Variants in KCNH7 observed in about 807,000 individuals in gnomAD.
KCNH7 encodes voltage-gated inwardly rectifying potassium channel KCNH7.
In KCNH7, 49 loss-of-function variants were observed where a neutral mutation model predicts 120.8. That is an observed-to-expected ratio of 0.41 (90% confidence interval 0.32 to 0.51). The LOEUF (loss-of-function observed/expected upper bound fraction) is 0.51. Ranked by LOEUF, KCNH7 falls within the 20% of genes least tolerant of loss-of-function variation. KCNH7 has a pLI of 0.38. For synonymous variants in KCNH7, 547 were observed against 516.1 expected, an observed-to-expected ratio of 1.06 and a Z score of -0.81; for missense variants, 1,097 against 1,446.6, an observed-to-expected ratio of 0.76 and a Z score of 3.92.
At chr2:162,690,756 A>G (rs566802091) in intron 2 of KCNH7, among the ~76,000 whole-genome samples, 6 of 152,168 alleles carry the variant, frequency 3.9e-5, no homozygotes, top group Admixed American at 2.6e-4. Flanking sequence ...GGTCAACATT[A>G]TGTTCTCAGA....
At chr2:162,652,503 G>C (rs1327743586) in intron 2 of KCNH7, among the ~76,000 whole-genome samples, 1 of 152,080 alleles carries the variant, frequency 6.6e-6, no homozygotes, top group African/African-American at 2.4e-5. Flanking sequence ...AGATCATTGG[G>C]CATTAGTTAG....
intron 2 of KCNH7, among the ~76,000 whole-genome samples, chr2:162,649,033 A>C (rs1684477979): frequency 6.6e-6 from 1 of 152,216 alleles, no homozygotes; most frequent in South Asian, 2.1e-4. Context: ...TGAACAATTA[A>C]ACATACATCA....
chr2:162,484,310 C>T (rs759205762), intron 6 of KCNH7, among the ~76,000 whole-genome samples: 41 of 151,758 alleles, frequency 2.7e-4, no homozygotes, highest in Non-Finnish European at 5.3e-4. Context: ...TAAAATGAAG[C>T]GAGTTCGTTG....
intron 2 of KCNH7, among the ~76,000 whole-genome samples, chr2:162,802,453 A>G (rs1426136585): frequency 6.6e-6 from 1 of 151,708 alleles, no homozygotes; most frequent in African/African-American, 2.4e-5. Flanking sequence ...GTCATATTCT[A>G]AGTCTGACTT....
At chr2:162,446,659 TA>T in intron 6 of KCNH7, among the ~76,000 whole-genome samples, 1 of 152,104 alleles carries the variant, frequency 6.6e-6, no homozygotes, top group Non-Finnish European at 1.5e-5. Context: ...CATTTCTTGA[TA>T]AATATGAATT....
At chr2:162,755,454 A>G (rs1210305020) in intron 2 of KCNH7, among the ~76,000 whole-genome samples, 1 of 152,200 alleles carries the variant, frequency 6.6e-6, no homozygotes, top group Admixed American at 6.5e-5. Flanking sequence ...ACTGGGCAAC[A>G]GAGCAAGACT....
chr2:162,724,670 T>TAAA (rs1164081461), intron 2 of KCNH7, among the ~76,000 whole-genome samples: 1 of 92,732 alleles, frequency 1.1e-5, no homozygotes. Context: ...AGACTCCGTC[T>TAAA]CAAAAAAAAA....
chr2:162,686,444 T>A (rs1395506488), intron 2 of KCNH7, among the ~76,000 whole-genome samples: 1 of 152,150 alleles, frequency 6.6e-6, no homozygotes, highest in Non-Finnish European at 1.5e-5. Context: ...CATATTCTAT[T>A]TATTATCAGA....
At position 162,687,194 on chromosome 2, in the gene KCNH7, A is replaced by C. The variant is rs897571824; in HGVS notation, c.307+149343T>G. ...TGCCATCTTCACGCCTCACTCCCTC[A>C]CATTCACAACCTTGACGATTTGCGT... On this transcript the variant is annotated intron_variant, in intron 2 of 15. Coordinates refer to ENST00000332142, the MANE Select transcript of KCNH7 (RefSeq NM_033272.4). Among the ~76,000 whole-genome samples the C allele has an allele frequency of 2.0e-5, 3 of 151,938 alleles. No individual in the cohort carries two copies. The East Asian group carries it at 5.8e-4, about 29-fold the overall frequency.
At chr2:162,822,032 T>C (rs1234983239) in intron 2 of KCNH7, among the ~76,000 whole-genome samples, 1 of 151,224 alleles carries the variant, frequency 6.6e-6, no homozygotes, top group Non-Finnish European at 1.5e-5. Flanking sequence ...AAATTGAGTT[T>C]CAGTGTTCAA....
intron 2 of KCNH7, among the ~76,000 whole-genome samples, chr2:162,645,337 G>A (rs926033348): frequency 5.3e-5 from 8 of 152,004 alleles, no homozygotes; most frequent in African/African-American, 1.7e-4. Context: ...TAGTAGAGAC[G>A]GAATTTCACT....
At chr2:162,422,274 C>T (rs1001679999) in intron 9 of KCNH7, among the ~76,000 whole-genome samples, 24 of 152,084 alleles carry the variant, frequency 1.6e-4, no homozygotes, top group African/African-American at 5.8e-4. Context: ...CTGCACCATT[C>T]CTGCTAATTT....
intron 2 of KCNH7, among the ~76,000 whole-genome samples, chr2:162,729,528 G>C (rs1687647628): frequency 6.6e-6 from 1 of 151,978 alleles, no homozygotes. Context: ...AACAGATTTG[G>C]TAACCTCATT....
intron 6 of KCNH7, among the ~76,000 whole-genome samples, chr2:162,480,580 C>T (rs1201733514): frequency 6.6e-6 from 1 of 152,168 alleles, no homozygotes; most frequent in Non-Finnish European, 1.5e-5. Context: ...ACAAAACTCT[C>T]AGTTTTTCAT....
chr2:162,617,251 G>C (rs1041962224), intron 2 of KCNH7, among the ~76,000 whole-genome samples: 2 of 151,972 alleles, frequency 1.3e-5, no homozygotes, highest in Non-Finnish European at 2.9e-5. Context: ...AGGCCGAGGT[G>C]GGCAGATCAC....
chr2:162,486,876 T>C (rs1438260047), intron 6 of KCNH7, among the ~76,000 whole-genome samples: 1 of 152,232 alleles, frequency 6.6e-6, no homozygotes, highest in Admixed American at 6.5e-5. Flanking sequence ...ACTTATTTAA[T>C]TCAGGAATTT....
At chr2:162,565,219 G>T (rs1359870279) in intron 2 of KCNH7, among the ~76,000 whole-genome samples, 1 of 151,516 alleles carries the variant, frequency 6.6e-6, no homozygotes, top group Non-Finnish European at 1.5e-5. Flanking sequence ...CCCCATATAG[G>T]TATTTTTTAC....
chr2:162,455,445 G>A (rs577084284), intron 6 of KCNH7, among the ~76,000 whole-genome samples: 149 of 152,292 alleles, frequency 9.8e-4, no homozygotes, highest in South Asian at 2.3e-3. Context: ...GATGATTCTG[G>A]CCCCATAAAA....
chr2:162,694,733 T>A (rs946710710), intron 2 of KCNH7, among the ~76,000 whole-genome samples: 14 of 151,940 alleles, frequency 9.2e-5, no homozygotes, highest in Admixed American at 2.0e-4. Flanking sequence ...TAGCTTAGAG[T>A]TAAAACAAAC....
Sources: gnomAD v4.1 joint callset for allele counts (sites outside exome capture counted in the v4.1 genomes callset) on GRCh38, gnomAD v4.1.1 for gene constraint, MANE v1.5 for transcripts, NCBI Gene and HGNC (gene_info 2026-07-23, HGNC 2026-07-21) for gene names.